The following IGF1R variants were observed in gnomAD, a reference collection of about 807,000 sequenced individuals.
The protein encoded by IGF1R is insulin like growth factor 1 receptor.
IGF1R carries 44 observed loss-of-function variants against 144.6 expected under a neutral mutation model. The ratio of observed to expected loss-of-function variants is 0.30; its 90% CI spans 0.24 to 0.39. IGF1R has a LOEUF of 0.39. Among genes scored for constraint, IGF1R ranks in the 10% least tolerant of loss-of-function variants. IGF1R has a pLI of 1.00. For missense variants in IGF1R, 1,355 were observed against 1,833.7 expected, an observed-to-expected ratio of 0.74 and a Z score of 4.77; for synonymous variants, 795 against 722.8, an observed-to-expected ratio of 1.10 and a Z score of -1.60.
At chr15:98,954,943 G>T (rs56314952) in intron 20 of IGF1R, among the ~76,000 whole-genome samples, 12,224 of 152,202 alleles carry the variant, frequency 0.08, 831 homozygotes, top group African/African-American at 0.19. Flanking sequence ...TGGCCCCAGG[G>T]TTACTCTTAT....
intron 5 of IGF1R, among the ~76,000 whole-genome samples, chr15:98,907,081 G>A (rs1296208740): frequency 6.6e-6 from 1 of 152,238 alleles, no homozygotes; most frequent in Non-Finnish European, 1.5e-5. Flanking sequence ...TCCTACGAGT[G>A]AGTAAACAGG....
intron 2 of IGF1R, among the ~76,000 whole-genome samples, chr15:98,877,546 CAAA>C (rs2013125478): frequency 8.4e-6 from 1 of 118,608 alleles, no homozygotes; most frequent in Non-Finnish European, 1.6e-5. Context: ...GAGGTTCTGT[CAAA>C]GAATGTGCTG....
intron 3 of IGF1R, 108 bp from the exon 4 acceptor site, chr15:98,896,649 C>A (rs2151651603): frequency 8.5e-7 from 1 of 1,174,806 alleles, no homozygotes; most frequent in Non-Finnish European, 1.2e-6. Flanking sequence ...GTTGCTTTTT[C>A]TAATGCATGC....
At chr15:98,650,482 G>A (rs2052332544) in intron 1 of IGF1R, among the ~76,000 whole-genome samples, 1 of 152,266 alleles carries the variant, frequency 6.6e-6, no homozygotes, top group African/African-American at 2.4e-5. Context: ...CAGTTCAGAG[G>A]GCTCTGGGAT....
chr15:98,659,456 C>T (rs572333897), intron 1 of IGF1R, among the ~76,000 whole-genome samples: 1 of 152,138 alleles, frequency 6.6e-6, no homozygotes, highest in East Asian at 1.9e-4. Flanking sequence ...TTAATAGTGC[C>T]CCAAGGAGGA....
At chr15:98,907,058 A>T (rs2014768097) in intron 5 of IGF1R, among the ~76,000 whole-genome samples, 1 of 152,198 alleles carries the variant, frequency 6.6e-6, no homozygotes, top group Non-Finnish European at 1.5e-5. Context: ...TCACCTGTGC[A>T]TTCCCCTTGT....
At chr15:98,877,513 T>TTCCC (rs773470156) in intron 2 of IGF1R, among the ~76,000 whole-genome samples, 1 of 111,404 alleles carries the variant, frequency 9.0e-6, no homozygotes, top group Admixed American at 1.1e-4. Flanking sequence ...TTTTTTTTTT[T>TTCCC]CCCCAAAAAA....
At chr15:98,779,201 A>G (rs1156530475) in intron 2 of IGF1R, among the ~76,000 whole-genome samples, 1 of 152,222 alleles carries the variant, frequency 6.6e-6, no homozygotes, top group Non-Finnish European at 1.5e-5. Context: ...AGTTCTGGAA[A>G]TTCCCAAGAG....
intron 2 of IGF1R, among the ~76,000 whole-genome samples, chr15:98,795,927 A>C (rs2056231335): frequency 6.6e-6 from 1 of 152,226 alleles, no homozygotes; most frequent in Admixed American, 6.5e-5. Flanking sequence ...GGATAGCTAA[A>C]TCACCGCTAA....
At chr15:98,762,375 A>T (rs1244403633) in intron 2 of IGF1R, among the ~76,000 whole-genome samples, 2 of 151,192 alleles carry the variant, frequency 1.3e-5, no homozygotes, top group African/African-American at 4.8e-5. Flanking sequence ...TGATTTGTGA[A>T]CCTCGTGATT....
At chr15:98,811,234 G>A (rs1265418218) in intron 2 of IGF1R, among the ~76,000 whole-genome samples, 4 of 151,960 alleles carry the variant, frequency 2.6e-5, no homozygotes, top group South Asian at 4.2e-4. Flanking sequence ...CCAGGAGTTG[G>A]AGGTTGCGGT....
chr15:98,866,379 C>A (rs755896191), intron 2 of IGF1R, among the ~76,000 whole-genome samples: 1 of 152,218 alleles, frequency 6.6e-6, no homozygotes, highest in African/African-American at 2.4e-5. Context: ...ATTTTCTCAT[C>A]ACCTTTATTA....
intron 2 of IGF1R, among the ~76,000 whole-genome samples, chr15:98,746,153 A>C (rs1383773327): frequency 6.6e-6 from 1 of 152,170 alleles, no homozygotes; most frequent in Non-Finnish European, 1.5e-5. Flanking sequence ...ATAAGACTGC[A>C]TGTTTGCATC....
chr15:98,923,734 T>G, intron 11 of IGF1R, 142 bp from the exon 12 acceptor site: 4 of 714,230 alleles, frequency 5.6e-6, no homozygotes, highest in Non-Finnish European at 2.5e-6. Context: ...CCCGCGTGGA[T>G]GGGGGCGTTA....
At chr15:98,694,313 C>G (rs1339876150) in intron 1 of IGF1R, among the ~76,000 whole-genome samples, 1 of 152,144 alleles carries the variant, frequency 6.6e-6, no homozygotes, top group Admixed American at 6.5e-5. Flanking sequence ...TCTTGTGTTC[C>G]TGGCCCATGG....
At chr15:98,755,718 CAAAAAAAAAAAAAAAAAA>C (rs56121011) in intron 2 of IGF1R, among the ~76,000 whole-genome samples, 39 of 34,508 alleles carry the variant, frequency 1.1e-3, no homozygotes, top group East Asian at 7.4e-3. Context: ...AACTCCATTG[CAAAAAAAAAAAAAAAAAA>C]AAAAAAAAAA....
In IGF1R at chr15:98,713,356, T is replaced by A. The variant is rs115924130; in HGVS notation, c.640+5249T>A. 8.7e-3 allele frequency among the ~76,000 whole-genome samples: 1,332 copies of A among 152,300 alleles called. 23 individuals carry two copies. Among genetic ancestry groups the A allele is most frequent in the African/African-American group, 0.031 (1,280 of 41,560 alleles). On this transcript the variant is annotated intron_variant, in intron 2 of 20. Transcript: ENST00000650285. ...AGCAGAGAGTAGCGTATCCTGGCAG[T>A]CTTCGGTGAGCCAGTTGTACCAGGA...
chr15:98,808,675 A>ATTTTTTTTT (rs35643938), intron 2 of IGF1R, among the ~76,000 whole-genome samples: 2 of 145,624 alleles, frequency 1.4e-5, no homozygotes, highest in Non-Finnish European at 3.0e-5. Flanking sequence ...TTCTTGAAAG[A>ATTTTTTTTT]TTTTTTTTTT....
At chr15:98,918,401 A>AT (rs370240352) in intron 10 of IGF1R, among the ~76,000 whole-genome samples, 64 of 150,426 alleles carry the variant, frequency 4.3e-4, no homozygotes, top group African/African-American at 6.3e-4. Context: ...TTTTAAAGTG[A>AT]TTTTTTTTTT....
Sources: allele counts gnomAD v4.1 joint callset (sites outside exome capture counted in the v4.1 genomes callset), GRCh38; gene constraint gnomAD v4.1.1; transcripts MANE v1.5; gene names NCBI Gene and HGNC (gene_info 2026-07-23, HGNC 2026-07-21).